The following PKIB variants were observed in gnomAD, a reference collection of about 807,000 sequenced individuals.
PKIB encodes cAMP-dependent protein kinase inhibitor beta.
A neutral mutation model predicts 4.5 loss-of-function variants in PKIB; 2 were observed. That is an observed-to-expected ratio of 0.44 (90% CI 0.18 to 1.39). PKIB has a LOEUF of 1.39. Ranked by LOEUF, PKIB falls within the 40% of genes most tolerant of loss-of-function variation. The pLI, the probability that PKIB is intolerant of heterozygous loss-of-function variation, is 0.27. For synonymous variants in PKIB, 38 were observed against 36.0 expected (o/e 1.06, Z -0.20); for missense variants, 94 against 92.6 (o/e 1.02, Z -0.06).
chr6:122,659,924 A>C (rs1776920495), intron 2 of PKIB, among the ~76,000 whole-genome samples: 1 of 152,196 alleles, frequency 6.6e-6, no homozygotes, highest in African/African-American at 2.4e-5. Context: ...AGAGAATGAC[A>C]GTGCACAATA....
At chr6:122,479,296 A>C (rs1411907636) in intron 2 of PKIB, 1 of 152,162 alleles carries the variant, frequency 6.6e-6, no homozygotes, top group Non-Finnish European at 1.5e-5. Flanking sequence ...TAAAGCAGTA[A>C]TAAGCAACTT....
chr6:122,488,946 C>CT (rs1259390076), intron 2 of PKIB, among the ~76,000 whole-genome samples: 1 of 152,130 alleles, frequency 6.6e-6, no homozygotes, highest in African/African-American at 2.4e-5. Context: ...TGGCCATTGG[C>CT]TTTTCATATT....
chr6:122,523,535 G>C (rs1777008785), intron 2 of PKIB, among the ~76,000 whole-genome samples: 1 of 152,068 alleles, frequency 6.6e-6, no homozygotes, highest in Admixed American at 6.6e-5. Flanking sequence ...AAAAAGGGAA[G>C]TTCTTGGGAG....
intron 3 of PKIB, among the ~76,000 whole-genome samples, chr6:122,586,641 C>T (rs1315929388): frequency 6.6e-6 from 1 of 152,112 alleles, no homozygotes; most frequent in Admixed American, 6.6e-5. Context: ...TGAGAAAGTC[C>T]TTTCCCTGTA....
rs528008108 is a variant in PKIB, at chr6:122,503,917, C to G, written c.-248+25978C>G. Among the ~76,000 whole-genome samples the G allele has an allele frequency of 1.6e-4, 25 of 152,272 alleles. No individual in the cohort carries two copies. In the South Asian group the frequency reaches 5.0e-3, roughly 30 times the overall value. ...CAAAGTGGTTTCTGTTATATTTAGTCAAACATGTTCAACTACATTCTAGTT... is the reference window on the plus strand; with the variant it reads ...CAAAGTGGTTTCTGTTATATTTAGTGAAACATGTTCAACTACATTCTAGTT... On this transcript the variant is annotated intron_variant, in intron 2 of 6. Transcript: ENST00000392491.
chr6:122,494,216 TA>T (rs1299770146), intron 2 of PKIB, among the ~76,000 whole-genome samples: 11 of 152,284 alleles, frequency 7.2e-5, no homozygotes, highest in African/African-American at 2.6e-4. Flanking sequence ...GCTATGGCAT[TA>T]AAAAACTTTC....
chr6:122,535,562 A>T (rs1024529278), intron 2 of PKIB, among the ~76,000 whole-genome samples: 1 of 152,190 alleles, frequency 6.6e-6, no homozygotes, highest in Non-Finnish European at 1.5e-5. Context: ...ACCTTCCAGC[A>T]TGATGCCTTC....
intron 3 of PKIB, among the ~76,000 whole-genome samples, chr6:122,708,111 T>C (rs1471203638): frequency 2.6e-5 from 4 of 152,140 alleles, no homozygotes; most frequent in Admixed American, 2.0e-4. Context: ...TACCTTCTAG[T>C]GAAGGGAGAC....
chr6:122,517,701 C>T (rs984029647), intron 2 of PKIB, among the ~76,000 whole-genome samples: 3 of 152,122 alleles, frequency 2.0e-5, no homozygotes, highest in Non-Finnish European at 2.9e-5. Context: ...TGTATATTGA[C>T]TTTGGAAACA....
chr6:122,501,929 CT>C (rs59519477), intron 2 of PKIB, among the ~76,000 whole-genome samples: 34,858 of 124,552 alleles, frequency 0.28, 4,286 homozygotes, highest in East Asian at 0.45. Flanking sequence ...AGCCAGGCCA[CT>C]TTTTTTTTTT....
chr6:122,537,362 T>C (rs551714191), intron 2 of PKIB, among the ~76,000 whole-genome samples: 4 of 152,162 alleles, frequency 2.6e-5, no homozygotes, highest in Admixed American at 6.6e-5. Flanking sequence ...TTCCCCTTCC[T>C]GTGTCCATGT....
Position 122,600,349 on chromosome 6 carries a change from G to T in PKIB, c.-161+14342G>T, listed in dbSNP as rs184912640. On this transcript the variant is annotated intron_variant, in intron 3 of 6. Transcript: ENST00000392491. The stretch of plus-strand genomic sequence containing the variant: ...ACTGACTCAACTGTTAATCTCTTTT[G>T]GCAACACCCTCACAGACACACCCAG... Among the ~76,000 whole-genome samples the T allele has an allele frequency of 7.7e-3, 1,167 of 152,154 alleles. 20 individuals are homozygous for T. The highest frequency in any genetic ancestry group is 0.025 in the African/African-American group (1,026 of 41,516).
intron 2 of PKIB, among the ~76,000 whole-genome samples, chr6:122,489,372 T>G (rs1775874338): frequency 6.6e-6 from 1 of 152,006 alleles, no homozygotes; most frequent in African/African-American, 2.4e-5. Context: ...CTCAGCCTCC[T>G]GAGTAGCTGG....
At chr6:122,632,968 G>C (rs1296997989) in intron 1 of PKIB, among the ~76,000 whole-genome samples, 1 of 152,170 alleles carries the variant, frequency 6.6e-6, no homozygotes, top group East Asian at 1.9e-4. Context: ...CAAAACATGA[G>C]AAAGACTGCT....
At chr6:122,562,000 T>TTTTTTTTTTTTTTTTTTTTTC (rs1773040508) in intron 2 of PKIB, among the ~76,000 whole-genome samples, 1 of 131,720 alleles carries the variant, frequency 7.6e-6, no homozygotes. Flanking sequence ...TTTTGTTTTT[T>TTTTTTTTTTTTTTTTTTTTTC]TTTGTTTTTT....
At chr6:122,541,398 C>A (rs1345669287) in intron 2 of PKIB, among the ~76,000 whole-genome samples, 1 of 151,490 alleles carries the variant, frequency 6.6e-6, no homozygotes, top group Non-Finnish European at 1.5e-5. Context: ...AATCTCTCAG[C>A]ATTTGCTTGT....
At chr6:122,560,022 A>C (rs1055727712) in intron 2 of PKIB, among the ~76,000 whole-genome samples, 24 of 152,148 alleles carry the variant, frequency 1.6e-4, no homozygotes, top group African/African-American at 5.8e-4. Context: ...ACTGAATCAG[A>C]TGCCCTTTAT....
chr6:122,475,696 G>A (rs1775437027), intron 1 of PKIB, among the ~76,000 whole-genome samples: 2 of 152,138 alleles, frequency 1.3e-5, no homozygotes, highest in African/African-American at 4.8e-5. Flanking sequence ...CGAGGCAGGA[G>A]AATTGCTCGA....
intron 3 of PKIB, among the ~76,000 whole-genome samples, chr6:122,702,385 A>G (rs1166239908): frequency 7.3e-6 from 1 of 136,738 alleles, no homozygotes; most frequent in Admixed American, 8.2e-5. Context: ...GCTGGAGTGC[A>G]GTGGCGTGAC....
Sources: gnomAD v4.1 joint callset for allele counts (sites outside exome capture counted in the v4.1 genomes callset) on GRCh38, gnomAD v4.1.1 for gene constraint, MANE v1.5 for transcripts, NCBI Gene and HGNC (gene_info 2026-07-23, HGNC 2026-07-21) for gene names.